SLC38A8: variants seen among roughly 807,000 people sequenced by gnomAD.
The protein encoded by SLC38A8 is amino acid transporter SLC38A8.
In SLC38A8, 65 loss-of-function variants were observed where a neutral mutation model predicts 46.0. That is an observed-to-expected ratio of 1.41 (90% CI 1.16 to 1.74). The LOEUF is 1.74. Ranked by LOEUF, SLC38A8 falls within the 40% of genes most tolerant of loss-of-function variation. The pLI, the probability that SLC38A8 is intolerant of heterozygous loss-of-function variation, is 0.00. For synonymous variants in SLC38A8, 447 were observed against 243.7 expected (o/e 1.83, Z -7.77); for missense variants, 998 against 567.9 (o/e 1.76, Z -7.70).
At chr16:84,033,589 C>T in intron 3 of SLC38A8, 120 bp from the exon 4 acceptor site, 1 of 1,197,800 alleles carries the variant, frequency 8.3e-7, no homozygotes, top group Non-Finnish European at 1.2e-6. Context: ...CCCCAGGAGC[C>T]CAGGGATCAG....
At chr16:84,030,722 A>G (rs2151124022) in intron 5 of SLC38A8, among the ~76,000 whole-genome samples, 1 of 152,174 alleles carries the variant, frequency 6.6e-6, no homozygotes, top group East Asian at 1.9e-4. Flanking sequence ...AGCACTGACC[A>G]CAGAATTCAC....
chr16:84,028,290 A>T (rs995460514), intron 6 of SLC38A8, among the ~76,000 whole-genome samples: 15 of 152,102 alleles, frequency 9.9e-5, no homozygotes, highest in Admixed American at 2.6e-4. Flanking sequence ...TCCCGAAAAT[A>T]AGCAGCGTGG....
intron 1 of SLC38A8, among the ~76,000 whole-genome samples, 158 bp from the exon 2 acceptor site, chr16:84,042,317 T>G (rs948590063): frequency 9.2e-5 from 14 of 152,156 alleles, no homozygotes; most frequent in African/African-American, 3.4e-4. Flanking sequence ...GGGTGCTGCA[T>G]GCATCTGCCC....
chr16:84,042,817 G>C (rs1341311808), upstream of SLC38A8, among the ~76,000 whole-genome samples: 1 of 152,180 alleles, frequency 6.6e-6, no homozygotes, highest in Non-Finnish European at 1.5e-5. Flanking sequence ...CTTCTGACCT[G>C]AGCAAGGAAG....
rs763102470 is a variant in SLC38A8, at chr16:84,029,540, C to A, written c.644G>T (p.Trp215Leu). ...ESHPSLSPAS[W>L]TSVFSVFPTI... is the part of the protein sequence containing the mutation. Reference sequence around the variant, plus strand: ...GGGGAAGACACTGAACACAGAGGTCCAGGAGGCAGGGCTGTAAACAGACAA... The same window carrying A: ...GGGGAAGACACTGAACACAGAGGTCAAGGAGGCAGGGCTGTAAACAGACAA... Residue 215 changes from tryptophan (W) to leucine (L), a missense_variant, in exon 6 of 11, where the codon TGG (tryptophan) becomes TTG (leucine). Coordinates refer to ENST00000299709, the MANE Select transcript of SLC38A8 (RefSeq NM_001080442.3). The A allele has an allele frequency of 7.4e-6, 12 of 1,614,084 alleles. No individual in the cohort carries two copies. The East Asian group carries it at 2.7e-4, about 36-fold the overall frequency.
intron 9 of SLC38A8, among the ~76,000 whole-genome samples, chr16:84,014,240 C>CT (rs1217712512): frequency 6.6e-6 from 1 of 151,426 alleles, no homozygotes; most frequent in African/African-American, 2.4e-5. Context: ...AAGCTCCACC[C>CT]TAAGCCCGAG....
intron 2 of SLC38A8, among the ~76,000 whole-genome samples, chr16:84,039,104 G>A (rs1450361143): frequency 6.6e-6 from 1 of 152,174 alleles, no homozygotes; most frequent in East Asian, 1.9e-4. Context: ...AAGGGAAGGA[G>A]GCAGAGATTG....
chr16:84,019,276 G>A (rs1227994575), intron 7 of SLC38A8, among the ~76,000 whole-genome samples: 1 of 152,030 alleles, frequency 6.6e-6, no homozygotes, highest in African/African-American at 2.4e-5. Flanking sequence ...GGGTTTCACT[G>A]TGTTAGCCAG....
At chr16:84,019,301 C>T (rs908216428) in intron 7 of SLC38A8, among the ~76,000 whole-genome samples, 4 of 152,070 alleles carry the variant, frequency 2.6e-5, no homozygotes, top group Non-Finnish European at 4.4e-5. Context: ...CTCTCGATCT[C>T]CTGACCTCGT....
rs912760526 is a variant in SLC38A8, at chr16:84,009,679, G to C, written c.*105C>G. 7.2e-6 allele frequency: 7 copies of C among 968,160 alleles called. No homozygotes were observed. Among genetic ancestry groups the C allele is most frequent in the Non-Finnish European group, 9.1e-6 (6 of 656,566 alleles). The allele number at this position is 968,160 out of a possible 1,614,324, so 60.0% of individuals were successfully genotyped here. A position where few individuals can be genotyped will look rare whatever the true frequency, so the allele number is the denominator to read the frequency against. On this transcript the variant is annotated 3_prime_UTR_variant, in exon 11 of 11. Transcript: ENST00000299709. ...GAGGCAGAAGGCATCAGTCTCTCCA[G>C]CATCTTTATGAGGAAAAGAAATGGC...
intron 9 of SLC38A8, among the ~76,000 whole-genome samples, chr16:84,013,620 G>A (rs1410912840): frequency 4.0e-5 from 6 of 151,724 alleles, no homozygotes; most frequent in South Asian, 2.1e-4. Context: ...TAGTAGAGAC[G>A]GGATTTCACC....
intron 2 of SLC38A8, among the ~76,000 whole-genome samples, chr16:84,039,358 C>G (rs371458955): frequency 1.7e-4 from 26 of 152,326 alleles, no homozygotes; most frequent in African/African-American, 6.0e-4. Context: ...CACCCACGCT[C>G]TAAGCTCCCT....
intron 3 of SLC38A8, among the ~76,000 whole-genome samples, chr16:84,035,192 G>A (rs569075850): frequency 3.0e-4 from 45 of 152,362 alleles, no homozygotes; most frequent in African/African-American, 1.1e-3. Context: ...AACGCTACCA[G>A]TTCAGTGGAG....
chr16:84,036,658 G>A, intron 3 of SLC38A8, 44 bp downstream of exon 3: 3 of 1,607,752 alleles, frequency 1.9e-6, no homozygotes, highest in South Asian at 1.1e-5. Flanking sequence ...GGTCATTAGA[G>A]GTCCGGCACC....
chr16:84,041,814 C>T (rs2085370051), intron 2 of SLC38A8, among the ~76,000 whole-genome samples, 155 bp downstream of exon 2: 1 of 152,220 alleles, frequency 6.6e-6, no homozygotes, highest in Non-Finnish European at 1.5e-5. Context: ...GTGGGATTAT[C>T]TTCTCCCCTC....
Position 84,016,550 on chromosome 16 carries a change from G to C in SLC38A8, c.1131C>G (p.Gly377=). The C allele has an allele frequency of 6.2e-7, 1 of 1,614,104 alleles. No homozygotes were observed. The highest frequency in any genetic ancestry group is 8.5e-7 in the Non-Finnish European group (1 of 1,180,018). ...DLSEIVSIIG[G]ISSFFIFIFP... is the part of the protein sequence containing the mutation. ...AGATGAAGATGAAGAAGGAACTGAT[G>C]CCTCCGATGATGCTGACGATCTCGC... Residue 377 remains glycine, a synonymous_variant, in exon 9 of 11, where the codon GGC becomes GGG. Coordinates refer to ENST00000299709, the MANE Select transcript of SLC38A8 (RefSeq NM_001080442.3).
intron 7 of SLC38A8, among the ~76,000 whole-genome samples, chr16:84,022,075 T>C (rs547573146): frequency 2.0e-5 from 3 of 152,336 alleles, no homozygotes; most frequent in South Asian, 4.1e-4. Flanking sequence ...CACGTCTCAA[T>C]GCTACCACAT....
rs142821762 is a variant in SLC38A8, at chr16:84,017,171, T to C, written c.922A>G (p.Thr308Ala). ...ARVLFAVSIV[T>A]VYPIVLFLGR... ...AGGAAGAGCACGATGGGGTAGACAG[T>C]TACGATGGAGACAGCAAAAAGGACC... Residue 308 changes from threonine to alanine, a missense_variant, in exon 8 of 11, where the codon ACT becomes GCT. By Grantham distance (58) the Thr-to-Ala change is moderately conservative (BLOSUM62 0). Coordinates refer to ENST00000299709, the MANE Select transcript of SLC38A8 (RefSeq NM_001080442.3). 800 of 1,613,912 alleles carry C rather than the reference T, an allele frequency of 5.0e-4. 3 individuals carry two copies. The highest frequency in any genetic ancestry group is 5.8e-4 in the Non-Finnish European group (689 of 1,179,964).
At chr16:84,014,704 G>A (rs957378403) in intron 9 of SLC38A8, among the ~76,000 whole-genome samples, 1 of 152,186 alleles carries the variant, frequency 6.6e-6, no homozygotes, top group African/African-American at 2.4e-5. Context: ...AATCCCAGTA[G>A]ACCCCAATTT....
Sources: gnomAD v4.1 joint callset for allele counts (sites outside exome capture counted in the v4.1 genomes callset) on GRCh38, gnomAD v4.1.1 for gene constraint, MANE v1.5 for transcripts, NCBI Gene and HGNC (gene_info 2026-07-23, HGNC 2026-07-21) for gene names.